PLAAT1: variants seen among roughly 807,000 people sequenced by gnomAD.
PLAAT1 encodes phospholipase A and acyltransferase 1.
A neutral mutation model predicts 16.4 loss-of-function variants in PLAAT1; 13 were observed. The observed-to-expected ratio is 0.79, with a 90% CI of 0.52 to 1.26. The LOEUF (loss-of-function observed/expected upper bound fraction) is 1.26, where lower values mean the gene tolerates loss of function less well. Among genes scored for constraint, PLAAT1 ranks in the 50% most tolerant of loss-of-function variants. The probability of loss-of-function intolerance (pLI) is 0.00; values close to 1 mark genes in which losing one functional copy is unlikely to be tolerated. For missense variants in PLAAT1, 218 were observed against 207.8 expected, an observed-to-expected ratio of 1.05 and a Z score of -0.30; for synonymous variants, 73 against 78.4, an observed-to-expected ratio of 0.93 and a Z score of 0.36.
chr3:193,270,978 A>G (rs1716967211), downstream of PLAAT1: 4 of 434,224 alleles, frequency 9.2e-6, no homozygotes, highest in African/African-American at 6.2e-5. Flanking sequence ...ATCACATTTT[A>G]TTTCTACTAT....
chr3:193,281,280 G>A (rs907385229), downstream of PLAAT1: 1 of 799,126 alleles, frequency 1.3e-6, no homozygotes, highest in Admixed American at 6.2e-5. Flanking sequence ...ACTAGCAACT[G>A]GGGCTGAGTG....
chr3:193,270,819 C>T lies in PLAAT1; in HGVS notation c.*114C>T. ...TGTTCCAGATTCCTATGATGGATGGCAGACTCTTTAATAAATTGCTTACTG... is the reference window on the plus strand; with the variant it reads ...TGTTCCAGATTCCTATGATGGATGGTAGACTCTTTAATAAATTGCTTACTG... On this transcript the variant is annotated 3_prime_UTR_variant, in exon 4 of 4. Transcript: ENST00000264735. The T allele has an allele frequency of 7.1e-7, 1 of 1,405,654 alleles. No individual in the cohort carries two copies. Among genetic ancestry groups the T allele is most frequent in the Admixed American group, 2.8e-5 (1 of 35,732 alleles). 87.1% of individuals were successfully genotyped at this position (1,405,654 alleles called of 1,614,324 possible).
chr3:193,244,508 G>A (rs1715906219), intron 1 of PLAAT1, among the ~76,000 whole-genome samples: 1 of 151,304 alleles, frequency 6.6e-6, no homozygotes, highest in East Asian at 1.9e-4. Flanking sequence ...TATTTATGGG[G>A]TACAACGTGA....
chr3:193,250,228 C>T (rs193115847), intron 1 of PLAAT1, among the ~76,000 whole-genome samples: 8 of 152,134 alleles, frequency 5.3e-5, no homozygotes, highest in South Asian at 2.1e-4. Context: ...TGTCCCCCAC[C>T]GCCAACCCAA....
intron 2 of PLAAT1, among the ~76,000 whole-genome samples, chr3:193,277,434 A>T (rs776160218): frequency 2.0e-5 from 3 of 152,170 alleles, no homozygotes; most frequent in Non-Finnish European, 4.4e-5. Flanking sequence ...GGCTGCATCC[A>T]TAGCAAAAGG....
At chr3:193,249,918 A>C (rs919387147) in intron 1 of PLAAT1, among the ~76,000 whole-genome samples, 10 of 152,018 alleles carry the variant, frequency 6.6e-5, no homozygotes, top group African/African-American at 2.4e-4. Flanking sequence ...CCTCAATAAA[A>C]ATTGTTATGA....
downstream of PLAAT1, among the ~76,000 whole-genome samples, chr3:193,271,531 G>A (rs1050950304): frequency 6.6e-6 from 1 of 152,164 alleles, no homozygotes; most frequent in Non-Finnish European, 1.5e-5. Flanking sequence ...TTTATTATGT[G>A]TTGAATTAAA....
chr3:193,254,960 T>C (rs1411940088), intron 1 of PLAAT1, among the ~76,000 whole-genome samples: 3 of 152,210 alleles, frequency 2.0e-5, no homozygotes, highest in Admixed American at 2.0e-4. Flanking sequence ...CATCTGAGCC[T>C]GGAACCCAAC....
At position 193,270,675 on chromosome 3, in the gene PLAAT1, T is replaced by G. The variant is rs778066837; in HGVS notation, c.477T>G (p.Phe159Leu). The change falls in exon 4 of 4, where the codon TTT (phenylalanine) becomes TTG (leucine). Residue 159 changes from phenylalanine (F) to leucine (L), a missense_variant. By Grantham distance (22) the Phe-to-Leu change is conservative. Transcript: ENST00000264735. ...AVGVFSFLGL[F>L]PKGQRAKYY is the part of the protein sequence containing the mutation. The stretch of plus-strand genomic sequence containing the variant: ...GTGTCTTCTCATTCCTGGGCTTGTT[T>G]CCAAAAGGACAAAGAGCAAAATACT... The G allele has an allele frequency of 2.2e-5, 35 of 1,613,644 alleles. No individual in the cohort carries two copies. Among genetic ancestry groups the G allele is most frequent in the Non-Finnish European group, 3.0e-5 (35 of 1,179,650 alleles).
chr3:193,271,298 T>G (rs1202705390), downstream of PLAAT1, among the ~76,000 whole-genome samples: 6 of 152,194 alleles, frequency 3.9e-5, no homozygotes, highest in African/African-American at 1.4e-4. Context: ...TTGTGTGGAA[T>G]CTACTTGCTT....
downstream of PLAAT1, among the ~76,000 whole-genome samples, chr3:193,271,915 A>C (rs1305242974): frequency 1.3e-5 from 2 of 152,140 alleles, no homozygotes; most frequent in Non-Finnish European, 2.9e-5. Context: ...TGTGTGCTGC[A>C]GTCCAGGCCA....
intron 1 of PLAAT1, among the ~76,000 whole-genome samples, chr3:193,252,988 T>A (rs1162765250): frequency 6.6e-6 from 1 of 152,168 alleles, no homozygotes; most frequent in Non-Finnish European, 1.5e-5. Context: ...AGTAGGGCTC[T>A]CATGTTGTCC....
downstream of PLAAT1, among the ~76,000 whole-genome samples, chr3:193,272,960 A>G (rs899184943): frequency 1.3e-5 from 2 of 152,198 alleles, no homozygotes; most frequent in African/African-American, 4.8e-5. Context: ...CAAGACTATT[A>G]AACCTTTCTC....
chr3:193,241,398 CG>C lies in PLAAT1; in HGVS notation c.-133del, dbSNP rs1367540267. 8.9e-6 allele frequency: 11 copies of C among 1,231,770 alleles called. No homozygotes were observed. The African/African-American group carries it at 1.7e-4, about 19-fold the overall frequency. 76.3% of individuals were successfully genotyped at this position (1,231,770 alleles called of 1,614,324 possible). ...CGAGTGATGGCTGGCGCCTGCCTCCCGGGTGTCTCCCGGGTACAGATGGAGT... is the reference window on the plus strand; with the variant it reads ...CGAGTGATGGCTGGCGCCTGCCTCCCGGTGTCTCCCGGGTACAGATGGAGT... On this transcript the variant is annotated 5_prime_UTR_variant, in exon 1 of 4. It introduces an in-frame stop codon into an upstream open reading frame of the 5' UTR. Coordinates refer to ENST00000264735, the MANE Select transcript of PLAAT1 (RefSeq NM_020386.5).
At chr3:193,248,196 T>C (rs1339292499) in intron 1 of PLAAT1, among the ~76,000 whole-genome samples, 1 of 152,202 alleles carries the variant, frequency 6.6e-6, no homozygotes, top group Non-Finnish European at 1.5e-5. Context: ...TTACAGTCTA[T>C]TTTGTCTGAT....
chr3:193,278,805 C>A (rs546180963), downstream of PLAAT1, among the ~76,000 whole-genome samples: 1 of 152,298 alleles, frequency 6.6e-6, no homozygotes, highest in South Asian at 2.1e-4. Flanking sequence ...CACAACAAAT[C>A]TATGACTCGG....
At chr3:193,260,532 G>T (rs934179666) in intron 2 of PLAAT1, among the ~76,000 whole-genome samples, 1 of 151,980 alleles carries the variant, frequency 6.6e-6, no homozygotes, top group Non-Finnish European at 1.5e-5. Flanking sequence ...TAAAAAATGG[G>T]CAAAGACAGG....
chr3:193,241,243 G>A lies in PLAAT1; in HGVS notation c.-291G>A. On this transcript the variant is annotated 5_prime_UTR_variant, in exon 1 of 4. Coordinates refer to ENST00000264735, the MANE Select transcript of PLAAT1 (RefSeq NM_020386.5). ...CATGGTCAGAGCCTCGTGCCGGCTC[G>A]GCAGCGCCCGGACGCCGAGCCCAGC... The A allele has an allele frequency of 3.3e-6, 4 of 1,226,222 alleles. No individual in the cohort carries two copies. Among genetic ancestry groups the A allele is most frequent in the African/African-American group, 1.6e-5 (1 of 64,160 alleles). The allele number at this position is 1,226,222 out of a possible 1,614,324, so 76.0% of individuals were successfully genotyped here.
At chr3:193,279,588 G>A, downstream of PLAAT1, 1 of 658,862 alleles carries the variant, frequency 1.5e-6, no homozygotes, top group Non-Finnish European at 2.7e-6. Flanking sequence ...ATCCTCATAT[G>A]TTTTGAAATA....
Sources: allele counts gnomAD v4.1 joint callset (sites outside exome capture counted in the v4.1 genomes callset), GRCh38; gene constraint gnomAD v4.1.1; transcripts MANE v1.5; gene names NCBI Gene and HGNC (gene_info 2026-07-23, HGNC 2026-07-21).